DCHS1: variants seen among roughly 807,000 people sequenced by gnomAD.
The protein encoded by DCHS1 is dachsous cadherin-related 1, also known as protocadherin-16.
DCHS1 carries 78 observed loss-of-function variants against 213.9 expected under a neutral mutation model. That is an observed-to-expected ratio of 0.36 (90% CI 0.30 to 0.44). The LOEUF (loss-of-function observed/expected upper bound fraction) is 0.44, where lower values mean the gene tolerates loss of function less well. DCHS1 is among the 20% of genes least tolerant of loss of function. The pLI is 1.00. For synonymous variants in DCHS1, 1,828 were observed against 1,873.7 expected (o/e 0.98, Z 0.63); for missense variants, 3,946 against 4,395.9 (o/e 0.90, Z 2.89).
Position 6,630,087 on chromosome 11 carries a change from G to A in DCHS1, c.4707C>T (p.Ala1569=). Residue 1569 remains alanine, a synonymous_variant, in exon 10 of 21, where the codon GCC becomes GCT. Coordinates refer to ENST00000299441, the MANE Select transcript of DCHS1 (RefSeq NM_003737.4). Reference sequence around the variant, plus strand: ...CAGCCTCGCCCAGATCCGGGTCCCGGGCTACCACGTGCAGGGCCGCGGGCC... The same window carrying A: ...CAGCCTCGCCCAGATCCGGGTCCCGAGCTACCACGTGCAGGGCCGCGGGCC... The part of the protein sequence containing the change: ...PPGPAALHVV[A]RDPDLGEAAR... 2 of 1,594,800 alleles carry A rather than the reference G, an allele frequency of 1.3e-6. No homozygotes were observed. The highest frequency in any genetic ancestry group is 4.5e-5 in the East Asian group (2 of 44,476).
In DCHS1 at chr11:6,627,293, C is replaced by T. The variant is rs1444388475; in HGVS notation, c.5746G>A (p.Ala1916Thr). 3 of 1,612,770 alleles carry T rather than the reference C, an allele frequency of 1.9e-6. No homozygotes were observed. The highest frequency in any genetic ancestry group is 2.5e-6 in the Non-Finnish European group (3 of 1,179,516). ...CTGGGACACTGTTCTCTGTCCAAGG[C>T]TGCAGCTGTGCGCAGTTCTCCAGAG... ...PSSGELRTAA[A>T]LDREQCPSYT... Residue 1916 changes from alanine (A) to threonine (T), a missense_variant, in exon 14 of 21, where the codon GCC (alanine) becomes ACC (threonine). Ala to Thr is a moderately conservative substitution (Grantham distance 58, BLOSUM62 0). Around this residue, in one of 3 missense-constraint regions of DCHS1, gnomAD observed 3,384 missense variants for 3,780.1 expected, o/e 0.90. Transcript: ENST00000299441. This position sits in a 1 kb window ranked among gnomAD's most constrained non-coding sequence, Gnocchi z 5.4.
chr11:6,628,540 C>A lies in DCHS1; in HGVS notation c.5371+81G>T. On this transcript the variant is annotated intron_variant, in intron 13 of 20. Coordinates refer to ENST00000299441, the MANE Select transcript of DCHS1 (RefSeq NM_003737.4). This position sits in a 1 kb window ranked among gnomAD's most constrained non-coding sequence, Gnocchi z 4.3. The stretch of plus-strand genomic sequence containing the variant: ...AGGGAAAAGGAGACCCAGACACATG[C>A]ACTGAGGCTGACAGCAGCCAAGAAG... The A allele has an allele frequency of 6.6e-6, 10 of 1,508,466 alleles. No individual in the cohort carries two copies. Among genetic ancestry groups the A allele is most frequent in the Non-Finnish European group, 9.2e-7 (1 of 1,087,466 alleles). The allele number at this position is 1,508,466 out of a possible 1,614,324, so 93.4% of individuals were successfully genotyped here. A position where few individuals can be genotyped will look rare whatever the true frequency, so the allele number is the denominator to read the frequency against.
rs771730718 is a variant in DCHS1 at position 6,622,242 on chromosome 11, C to T, written c.9434G>A (p.Gly3145Asp). ...FPADGKPCVAGALTAIVAGEE... is the reference protein window; with the variant it reads ...FPADGKPCVADALTAIVAGEE... ...GCCGGCCACAATGGCTGTCAGCGCA[C>T]CTGCCACACATGGCTTGCCATCTGC... The change falls in exon 21 of 21, where the codon GGT becomes GAT. Residue 3145 changes from glycine (G) to aspartate (D), a missense_variant. Gly to Asp is a moderately conservative substitution (Grantham distance 94, BLOSUM62 -1). Around this residue, in one of 3 missense-constraint regions of DCHS1, gnomAD observed 554 missense variants for 590.2 expected, o/e 0.94. Coordinates refer to ENST00000299441, the MANE Select transcript of DCHS1 (RefSeq NM_003737.4). The surrounding 1 kb of genome is among the most constrained non-coding windows in gnomAD (Gnocchi z 5.4). 5.0e-6 allele frequency: 8 copies of T among 1,602,766 alleles called. No individual in the cohort carries two copies. Among genetic ancestry groups the T allele is most frequent in the Non-Finnish European group, 6.8e-6 (8 of 1,176,338 alleles).
chr11:6,631,840 G>A (rs761457136), intron 6 of DCHS1, 31 bp from the exon 7 acceptor site: 1 of 1,501,130 alleles, frequency 6.7e-7, no homozygotes, highest in Non-Finnish European at 8.9e-7. Context: ...TCATGTACGA[G>A]ATGTTTAAGG....
At chr11:6,624,976 A>G (rs1855769846) in intron 19 of DCHS1, 108 bp from the exon 20 acceptor site, 3 of 1,506,000 alleles carry the variant, frequency 2.0e-6, no homozygotes, top group Admixed American at 2.0e-5. Flanking sequence ...GTCTATTCCA[A>G]CTTGGAGCCC....
At position 6,643,708 on chromosome 11, in the gene DCHS1, A is replaced by C. The variant is rs999841462; in HGVS notation, c.-120-1975T>G. 9.9e-5 allele frequency among the ~76,000 whole-genome samples: 15 copies of C among 152,280 alleles called. No individual in the cohort carries two copies. In the Middle Eastern group the frequency reaches 0.01, roughly 104 times the overall value. On this transcript the variant is annotated intron_variant, in intron 1 of 20. Transcript: ENST00000299441. ...CCCATGCCTTCAGTTCAAAGGTATC[A>C]ATCATTTTTTATGTGCCATCTATTT...
rs751501084 is a variant in DCHS1, at chr11:6,629,818, G to A, written c.4889C>T (p.Ser1630Leu). 20 of 1,613,058 alleles carry A rather than the reference G, an allele frequency of 1.2e-5. No individual in the cohort carries two copies. The highest frequency in any genetic ancestry group is 2.5e-6 in the Non-Finnish European group (3 of 1,179,900). Residue 1630 changes from serine to leucine, a missense_variant, in exon 11 of 21, where the codon TCG becomes TTG. Ser to Leu is a moderately radical substitution (Grantham distance 145). Around this residue, in one of 3 missense-constraint regions of DCHS1, gnomAD observed 3,384 missense variants for 3,780.1 expected, o/e 0.90. Transcript: ENST00000299441. ...ACTGACGGTCAGGACCTGCGTGGCC[G>A]AGCGCGGCGGGGAGCCGTGGTCTGA... is the stretch of plus-strand genomic sequence containing the variant. Reference protein sequence around the residue: ...VASDHGSPPRSATQVLTVSVA... With the variant: ...VASDHGSPPRLATQVLTVSVA...
At position 6,621,677 on chromosome 11, in the gene DCHS1, C is replaced by T. The variant is rs1044255646; in HGVS notation, c.*102G>A. 3.1e-5 allele frequency: 43 copies of T among 1,392,930 alleles called. No homozygotes were observed. The South Asian group carries it at 3.6e-4, about 12-fold the overall frequency. 86.3% of individuals were successfully genotyped at this position (1,392,930 alleles called of 1,614,324 possible). A position where few individuals can be genotyped will look rare whatever the true frequency, so the allele number is the denominator to read the frequency against. On this transcript the variant is annotated 3_prime_UTR_variant, in exon 21 of 21. Transcript: ENST00000299441. ...AGCTGGGGCCTGGTGGTGGCCTCCC[C>T]GTAGCCAGTCATAGTCCGAGGCTGC...
rs1856051403 is a variant in DCHS1, at chr11:6,640,414, A to T, written c.1200T>A (p.His400Gln). ...VSDPDDGDFA[H>Q]VNVSLEGGEG... ...CTCCACCTTCCAGGGACACATTGAC[A>T]TGGGCAAAGTCACCATCATCTGGGT... Residue 400 changes from histidine (H) to glutamine (Q), a missense_variant, in exon 2 of 21, where the codon CAT (histidine) becomes CAA (glutamine). Physicochemically the swap from His to Gln is conservative, Grantham distance 24. Coordinates refer to ENST00000299441, the MANE Select transcript of DCHS1 (RefSeq NM_003737.4). The surrounding 1 kb of genome is among the most constrained non-coding windows in gnomAD (Gnocchi z 6.5). The T allele has an allele frequency of 1.2e-6, 2 of 1,613,980 alleles. No homozygotes were observed. The highest frequency in any genetic ancestry group is 8.5e-7 in the Non-Finnish European group (1 of 1,179,894).
At position 6,627,569 on chromosome 11, in the gene DCHS1, T is replaced by C; in HGVS notation, c.5470A>G (p.Arg1824Gly). The change falls in exon 14 of 21, where the codon AGG becomes GGG. Residue 1824 changes from arginine to glycine, a missense_variant. Physicochemically the swap from Arg to Gly is moderately radical, Grantham distance 125 (BLOSUM62 -2). Transcript: ENST00000299441. The surrounding 1 kb of genome is among the most constrained non-coding windows in gnomAD (Gnocchi z 5.4). The stretch of plus-strand genomic sequence containing the variant: ...TGGCCTCCATCCCGGGCCTCTATCC[T>C]CAGCTGGAAAGCTGGCTCCACTTCT... ...DREVEPAFQL[R>G]IEARDGGQPA... 1 of 1,612,912 alleles carries C rather than the reference T, an allele frequency of 6.2e-7. No individual in the cohort carries two copies. The highest frequency in any genetic ancestry group is 1.1e-5 in the South Asian group (1 of 90,932).
chr11:6,640,765 A>G lies in DCHS1; in HGVS notation c.849T>C (p.Asp283=). ...AAGTCACAGCCCCATTGACACCAGCATCGGCATCAGATGCGAACACCTGCA... is the reference window on the plus strand; with the variant it reads ...AAGTCACAGCCCCATTGACACCAGCGTCGGCATCAGATGCGAACACCTGCA... ...PVLQVFASDA[D]AGVNGAVTYE... Residue 283 remains aspartate, a synonymous_variant, in exon 2 of 21, where the codon GAT becomes GAC. Coordinates refer to ENST00000299441, the MANE Select transcript of DCHS1 (RefSeq NM_003737.4). The surrounding 1 kb of genome is among the most constrained non-coding windows in gnomAD (Gnocchi z 6.5). 5 of 1,613,956 alleles carry G rather than the reference A, an allele frequency of 3.1e-6. No individual in the cohort carries two copies. Among genetic ancestry groups the G allele is most frequent in the Non-Finnish European group, 4.2e-6 (5 of 1,179,880 alleles).
In DCHS1 at chr11:6,627,352, G is replaced by A. The variant is rs1230026422; in HGVS notation, c.5687C>T (p.Ala1896Val). 1.2e-6 allele frequency: 2 copies of A among 1,608,070 alleles called. No homozygotes were observed. ...ANGHVTYYLGAGTAGAFLLEP... is the reference protein window; with the variant it reads ...ANGHVTYYLGVGTAGAFLLEP... ...CAGCAGGAAGGCTCCTGCTGTACCGGCGCCCAGGTAGTAGGTCACATGGCC... is the reference window on the plus strand; with the variant it reads ...CAGCAGGAAGGCTCCTGCTGTACCGACGCCCAGGTAGTAGGTCACATGGCC... Residue 1896 changes from alanine to valine, a missense_variant, in exon 14 of 21, where the codon GCC becomes GTC. Around this residue, in one of 3 missense-constraint regions of DCHS1, gnomAD observed 3,384 missense variants for 3,780.1 expected, o/e 0.90. Transcript: ENST00000299441. The surrounding 1 kb of genome is among the most constrained non-coding windows in gnomAD (Gnocchi z 5.4).
chr11:6,645,862 C>A lies in DCHS1; in HGVS notation c.-120-4129G>T, dbSNP rs1426902837. Among the ~76,000 whole-genome samples the A allele has an allele frequency of 2.0e-5, 3 of 152,194 alleles. No homozygotes were observed. In the East Asian group the frequency reaches 5.8e-4, roughly 29 times the overall value. On this transcript the variant is annotated intron_variant, in intron 1 of 20. Transcript: ENST00000299441. Reference sequence around the variant, plus strand: ...ATGCATTCCCATGCAGGCAGATGCACATGCACACAGGTACATTCAACACAT... The same window carrying A: ...ATGCATTCCCATGCAGGCAGATGCAAATGCACACAGGTACATTCAACACAT...
chr11:6,629,302 C>T, intron 12 of DCHS1, 150 bp downstream of exon 12: 1 of 1,124,676 alleles, frequency 8.9e-7, no homozygotes, highest in Non-Finnish European at 1.2e-6. Flanking sequence ...CTGCCAAACT[C>T]TCGACTCCCC....
Position 6,631,176 on chromosome 11 carries a change from G to A in DCHS1, c.3807C>T (p.His1269=), listed in dbSNP as rs749818300. The change falls in exon 9 of 21, where the codon CAC becomes CAT. Residue 1269 remains histidine, a synonymous_variant. Transcript: ENST00000299441. ...PGSELFSLHP[H]SGELLTAAPL... ...GAGCTGCAGTGAGCAGCTCCCCTGAGTGAGGGTGCAGAGAGAAAAGCTCTG... is the reference window on the plus strand; with the variant it reads ...GAGCTGCAGTGAGCAGCTCCCCTGAATGAGGGTGCAGAGAGAAAAGCTCTG... 1 of 1,611,406 alleles carries A rather than the reference G, an allele frequency of 6.2e-7. No individual in the cohort carries two copies.
In DCHS1 at chr11:6,629,657, C is replaced by T. The variant is rs768716341; in HGVS notation, c.5035+15G>A. On this transcript the variant is annotated intron_variant, in intron 11 of 20. Transcript: ENST00000299441. ...CCAGTCCATCCCACTCATAATTCAC[C>T]CCCCCAGGTCTTACCCACGTCGGGG... 1.9e-6 allele frequency: 3 copies of T among 1,612,486 alleles called. No homozygotes were observed. Among genetic ancestry groups the T allele is most frequent in the African/African-American group, 1.3e-5 (1 of 74,914 alleles).
rs147748847 is a variant in DCHS1 at position 6,626,250 on chromosome 11, G to A, written c.6495C>T (p.Asn2165=). 1.1e-3 allele frequency: 1,803 copies of A among 1,612,608 alleles called. 1 individual carries two copies. The highest frequency in any genetic ancestry group is 1.4e-3 in the Non-Finnish European group (1,679 of 1,179,294). ...TVLTLTLQDA[N]DNAPRFLRPH... is the part of the protein sequence containing the mutation. ...GCCGCAGGAAACGGGGAGCATTGTC[G>A]TTGGCATCTTGCAGGGTCAGGGTCA... Residue 2165 remains asparagine, a synonymous_variant, in exon 16 of 21, where the codon AAC becomes AAT. Coordinates refer to ENST00000299441, the MANE Select transcript of DCHS1 (RefSeq NM_003737.4). The surrounding 1 kb of genome is among the most constrained non-coding windows in gnomAD (Gnocchi z 5.2).
chr11:6,629,119 T>C lies in DCHS1; in HGVS notation c.5162-289A>G, dbSNP rs1341208990. ...AGTCCCAGCCCTGCCACTTCCAAGCTGCATGAGCTTGAGCAAGTCACTTGA... is the reference window on the plus strand; with the variant it reads ...AGTCCCAGCCCTGCCACTTCCAAGCCGCATGAGCTTGAGCAAGTCACTTGA... On this transcript the variant is annotated intron_variant, in intron 12 of 20. Coordinates refer to ENST00000299441, the MANE Select transcript of DCHS1 (RefSeq NM_003737.4). Among the ~76,000 whole-genome samples, 4 of 152,226 alleles carry C rather than the reference T, an allele frequency of 2.6e-5. No homozygotes were observed. The East Asian group carries it at 7.7e-4, about 29-fold the overall frequency.
In DCHS1 at chr11:6,655,713, C is replaced by T; in HGVS notation, c.-271G>A. ...CCCGCGATCCCCTCCGGGCAGCCGC[C>T]GTCGGTCCGCGCGCCCTTGGCCGTC... On this transcript the variant is annotated 5_prime_UTR_variant, in exon 1 of 21. Coordinates refer to ENST00000299441, the MANE Select transcript of DCHS1 (RefSeq NM_003737.4). The T allele has an allele frequency of 1.0e-6, 1 of 980,762 alleles. No individual in the cohort carries two copies. Among genetic ancestry groups the T allele is most frequent in the Non-Finnish European group, 1.2e-6 (1 of 828,034 alleles). The allele number at this position is 980,762 out of a possible 1,614,324, so 60.8% of individuals were successfully genotyped here.
Sources: allele counts gnomAD v4.1 joint callset (sites outside exome capture counted in the v4.1 genomes callset), GRCh38; gene constraint gnomAD v4.1.1; regional missense constraint gnomAD v4.1.1; non-coding constraint Gnocchi (gnomAD v3.1); transcripts MANE v1.5; gene names NCBI Gene and HGNC (gene_info 2026-07-23, HGNC 2026-07-21).